Variants in PDE4D observed in about 807,000 individuals in gnomAD.
PDE4D encodes phosphodiesterase 4D, also known as 3',5'-cyclic-AMP phosphodiesterase 4D.
Under a neutral mutation model 87.4 loss-of-function variants are expected in PDE4D, and 24 were observed. The ratio of observed to expected loss-of-function variants is 0.27; its 90% CI spans 0.20 to 0.39. PDE4D has a LOEUF of 0.39. PDE4D is among the 10% of genes least tolerant of loss of function. PDE4D has a pLI of 1.00. For synonymous variants in PDE4D, 384 were observed against 383.2 expected (o/e 1.00, Z -0.02); for missense variants, 714 against 1,041.0 (o/e 0.69, Z 4.32).
At chr5:60,343,150 T>A (rs1758449057) in intron 1 of PDE4D, among the ~76,000 whole-genome samples, 1 of 152,214 alleles carries the variant, frequency 6.6e-6, no homozygotes, top group South Asian at 2.1e-4. Flanking sequence ...CCCACAGGGT[T>A]GTGAATTTTT....
chr5:58,977,468 T>G, intron 11 of PDE4D, 123 bp from the exon 12 acceptor site: 1 of 788,582 alleles, frequency 1.3e-6, no homozygotes, highest in Non-Finnish European at 2.1e-6. Flanking sequence ...TATCATTACC[T>G]GACAATATCC....
chr5:60,375,297 C>T (rs1295570209), intron 1 of PDE4D, among the ~76,000 whole-genome samples: 2 of 152,178 alleles, frequency 1.3e-5, no homozygotes, highest in African/African-American at 4.8e-5. Context: ...GCATAGCTGG[C>T]TCTCAAACAT....
intron 1 of PDE4D, among the ~76,000 whole-genome samples, chr5:59,371,247 G>A (rs1471224048): frequency 6.6e-6 from 1 of 152,212 alleles, no homozygotes; most frequent in Admixed American, 6.5e-5. Flanking sequence ...GATACGTTAG[G>A]AGTGGGACCT....
intron 6 of PDE4D, among the ~76,000 whole-genome samples, chr5:59,027,548 A>T (rs1348547608): frequency 3.3e-5 from 5 of 152,162 alleles, no homozygotes; most frequent in African/African-American, 1.2e-4. Flanking sequence ...AATTGTATCA[A>T]TATGGGTTTA....
At chr5:59,561,838 C>T (rs1007307486) in intron 1 of PDE4D, among the ~76,000 whole-genome samples, 4 of 151,276 alleles carry the variant, frequency 2.6e-5, no homozygotes, top group African/African-American at 7.3e-5. Flanking sequence ...AGGCTGAGGC[C>T]GGAGAATTGC....
intron 1 of PDE4D, among the ~76,000 whole-genome samples, chr5:60,381,037 A>G (rs972010344): frequency 1.3e-5 from 2 of 152,216 alleles, no homozygotes; most frequent in African/African-American, 2.4e-5. Context: ...AACTTAGGCC[A>G]GCTCCTGAGA....
intron 1 of PDE4D, among the ~76,000 whole-genome samples, chr5:59,622,496 T>C (rs1410498952): frequency 6.6e-6 from 1 of 152,196 alleles, no homozygotes; most frequent in Non-Finnish European, 1.5e-5. Context: ...TCTATGATCT[T>C]GACTACCTTA....
rs70975389 is a variant in PDE4D, at chr5:60,474,106, A to ATATATATATATGTGTG, written c.-90+13835_-90+13836insCACACATATATATATA. On this transcript the variant is annotated intron_variant, in intron 1 of 16. Transcript: ENST00000502484. ...ACTGTCTCAGTCCCTTTGAGCTGCCATATATATATATATATATATATATAT... is the reference window on the plus strand; with the variant it reads ...ACTGTCTCAGTCCCTTTGAGCTGCCATATATATATATGTGTGTATATATATATATATATATATATAT... Among the ~76,000 whole-genome samples the ATATATATATATGTGTG allele has an allele frequency of 4.2e-3, 53 of 12,662 alleles. 1 individual carries two copies. Among genetic ancestry groups the ATATATATATATGTGTG allele is most frequent in the South Asian group, 0.014 (8 of 556 alleles). The allele number at this position is 12,662 out of a possible 152,430, so 8.3% of individuals were successfully genotyped here. A position where few individuals can be genotyped will look rare whatever the true frequency, so the allele number is the denominator to read the frequency against.
chr5:60,117,606 A>AT (rs1778282932), intron 2 of PDE4D, among the ~76,000 whole-genome samples: 1 of 152,090 alleles, frequency 6.6e-6, no homozygotes, highest in African/African-American at 2.4e-5. Context: ...TTTGATTTAT[A>AT]TTAACTCTAA....
intron 1 of PDE4D, among the ~76,000 whole-genome samples, chr5:60,381,425 G>A (rs1053783315): frequency 2.0e-5 from 3 of 152,118 alleles, no homozygotes; most frequent in African/African-American, 7.2e-5. Context: ...TCAGATTTTA[G>A]TCTGTATTCT....
At position 59,361,189 on chromosome 5, in the gene PDE4D, C is replaced by T. The variant is rs369473193; in HGVS notation, c.456-145221G>A. Among the ~76,000 whole-genome samples, 45 of 152,014 alleles carry T rather than the reference C, an allele frequency of 3.0e-4. No individual in the cohort carries two copies. In the East Asian group the frequency reaches 5.6e-3, roughly 19 times the overall value. ...ATAAATGGGATTGAAGGAAAGAAAT[C>T]ATGGAGGAAGAAATGGAAGGAAAAG... is the stretch of plus-strand genomic sequence containing the variant. On this transcript the variant is annotated intron_variant, in intron 1 of 14. Transcript: ENST00000340635.
At chr5:59,023,826 T>C (rs1266018999) in intron 6 of PDE4D, among the ~76,000 whole-genome samples, 2 of 152,098 alleles carry the variant, frequency 1.3e-5, no homozygotes, top group Non-Finnish European at 2.9e-5. Flanking sequence ...TGTTCATATG[T>C]ATCAAACAGA....
chr5:60,452,112 A>T (rs1048729740), intron 1 of PDE4D, among the ~76,000 whole-genome samples: 1 of 152,138 alleles, frequency 6.6e-6, no homozygotes, highest in African/African-American at 2.4e-5. Context: ...AAGCAGTTAA[A>T]TGAGAAATGA....
chr5:59,261,858 T>A (rs927793567), intron 1 of PDE4D, among the ~76,000 whole-genome samples: 2 of 151,846 alleles, frequency 1.3e-5, no homozygotes, highest in Non-Finnish European at 2.9e-5. Context: ...AATAAAAATA[T>A]CTCTTATTAA....
chr5:60,352,716 A>G (rs1759309072), intron 1 of PDE4D, among the ~76,000 whole-genome samples: 1 of 152,220 alleles, frequency 6.6e-6, no homozygotes, highest in Non-Finnish European at 1.5e-5. Flanking sequence ...TGGGCTTCAA[A>G]GTACAGTTCA....
chr5:59,721,896 C>T (rs1363378546), intron 1 of PDE4D, among the ~76,000 whole-genome samples: 1 of 152,098 alleles, frequency 6.6e-6, no homozygotes, highest in Admixed American at 6.6e-5. Context: ...CAATGGGAGT[C>T]GCATATCAGG....
chr5:59,472,745 C>G (rs958279456), intron 1 of PDE4D, among the ~76,000 whole-genome samples: 2 of 152,030 alleles, frequency 1.3e-5, no homozygotes, highest in African/African-American at 4.8e-5. Context: ...ATGCTGGAGA[C>G]AGCTGGCTAG....
At chr5:59,764,742 G>A (rs147165016) in intron 1 of PDE4D, among the ~76,000 whole-genome samples, 1,742 of 127,260 alleles carry the variant, frequency 0.014, 34 homozygotes, top group African/African-American at 0.05. Context: ...TGCAACCTCC[G>A]CCTCCTGAGT....
intron 1 of PDE4D, among the ~76,000 whole-genome samples, chr5:60,201,262 T>C (rs1174027720): frequency 4.0e-5 from 6 of 150,542 alleles, no homozygotes; most frequent in African/African-American, 1.5e-4. Flanking sequence ...AGTAACTGGG[T>C]TGATTACAAA....
Sources: allele counts gnomAD v4.1 joint callset (sites outside exome capture counted in the v4.1 genomes callset), GRCh38; gene constraint gnomAD v4.1.1; transcripts MANE v1.5; gene names NCBI Gene and HGNC (gene_info 2026-07-23, HGNC 2026-07-21).